The following PTK2B variants were observed in gnomAD, a reference collection of about 807,000 sequenced individuals.
PTK2B encodes the protein protein-tyrosine kinase 2-beta.
In PTK2B, 71 loss-of-function variants were observed where a neutral mutation model predicts 142.9. The ratio of observed to expected loss-of-function variants is 0.50; its 90% CI spans 0.41 to 0.61. The LOEUF is 0.61. Among genes scored for constraint, PTK2B ranks in the 20% least tolerant of loss-of-function variants. The probability of loss-of-function intolerance (pLI) is 0.00; values close to 1 mark genes in which losing one functional copy is unlikely to be tolerated. For missense variants in PTK2B, 1,105 were observed against 1,320.4 expected, an observed-to-expected ratio of 0.84 and a Z score of 2.53; for synonymous variants, 519 against 503.4, an observed-to-expected ratio of 1.03 and a Z score of -0.42.
At position 27,458,620 on chromosome 8, in the gene PTK2B, C is replaced by A; in HGVS notation, c.*111C>A. The A allele has an allele frequency of 1.8e-6, 2 of 1,134,974 alleles. No homozygotes were observed. Among genetic ancestry groups the A allele is most frequent in the Non-Finnish European group, 1.3e-6 (1 of 799,618 alleles). 70.3% of individuals were successfully genotyped at this position (1,134,974 alleles called of 1,614,324 possible). ...CAGGGGGAAGGCCAAGGGGAGTCAC[C>A]TTCCCTTGCCACTTTGCACGACGCC... On this transcript the variant is annotated 3_prime_UTR_variant, in exon 31 of 31. Transcript: ENST00000346049.
Position 27,440,336 on chromosome 8 carries a change from C to G in PTK2B, c.1934C>G (p.Pro645Arg). The change falls in exon 21 of 31, where the codon CCC becomes CGC. Residue 645 changes from proline (P) to arginine (R), a missense_variant. By Grantham distance (103) the Pro-to-Arg change is moderately radical. Transcript: ENST00000346049. ...GTGCTGGAGAAAGGAGACCGGCTGCCCAAGCCTGATCTCTGTCCACCGGTC... is the reference window on the plus strand; with the variant it reads ...GTGCTGGAGAAAGGAGACCGGCTGCGCAAGCCTGATCTCTGTCCACCGGTC... Reference protein sequence around the residue: ...IGVLEKGDRLPKPDLCPPVLY... With the variant: ...IGVLEKGDRLRKPDLCPPVLY... 1 of 1,614,192 alleles carries G rather than the reference C, an allele frequency of 6.2e-7. No individual in the cohort carries two copies.
intron 1 of PTK2B, among the ~76,000 whole-genome samples, chr8:27,331,802 A>G (rs1803768848): frequency 6.6e-6 from 1 of 152,174 alleles, no homozygotes; most frequent in Non-Finnish European, 1.5e-5. Flanking sequence ...GTACTGATTT[A>G]GGGTTTCTGA....
At chr8:27,407,050 C>A (rs1479818882) in intron 2 of PTK2B, among the ~76,000 whole-genome samples, 1 of 152,154 alleles carries the variant, frequency 6.6e-6, no homozygotes, top group Non-Finnish European at 1.5e-5. Flanking sequence ...ACGCTTCATA[C>A]GGTTTATGGG....
At chr8:27,423,144 C>T (rs1372535823) in intron 5 of PTK2B, among the ~76,000 whole-genome samples, 1 of 152,138 alleles carries the variant, frequency 6.6e-6, no homozygotes, top group Non-Finnish European at 1.5e-5. Flanking sequence ...CCAATGATAT[C>T]ATTAGAATGA....
chr8:27,379,795 C>T (rs769363159), intron 1 of PTK2B, among the ~76,000 whole-genome samples: 6 of 152,174 alleles, frequency 3.9e-5, no homozygotes, highest in African/African-American at 7.2e-5. Context: ...AACTGGACTG[C>T]AATGGCGTGA....
chr8:27,437,585 G>T, intron 17 of PTK2B, 89 bp downstream of exon 17: 4 of 1,286,986 alleles, frequency 3.1e-6, no homozygotes, highest in Admixed American at 2.1e-5. Flanking sequence ...CCTGACTTCT[G>T]TGTTCCACTG....
At chr8:27,325,036 G>A (rs902650676), upstream of PTK2B, among the ~76,000 whole-genome samples, 8 of 152,192 alleles carry the variant, frequency 5.3e-5, no homozygotes, top group African/African-American at 7.2e-5. Flanking sequence ...GACCTGGACC[G>A]GTTCTGCCAA....
intron 30 of PTK2B, among the ~76,000 whole-genome samples, chr8:27,455,643 A>G (rs1812100517): frequency 6.6e-6 from 1 of 152,264 alleles, no homozygotes; most frequent in African/African-American, 2.4e-5. Flanking sequence ...AGGCCAAGGA[A>G]GGCAGCAGCC....
chr8:27,393,218 G>C (rs1807828800), intron 1 of PTK2B, among the ~76,000 whole-genome samples: 1 of 152,144 alleles, frequency 6.6e-6, no homozygotes, highest in Non-Finnish European at 1.5e-5. Flanking sequence ...TCCCAGGATT[G>C]GGCAGCAGAT....
intron 1 of PTK2B, among the ~76,000 whole-genome samples, chr8:27,364,568 T>G (rs1805906855): frequency 6.6e-6 from 1 of 152,180 alleles, no homozygotes; most frequent in Non-Finnish European, 1.5e-5. Context: ...CGGGGAGACA[T>G]TCGCTCAGTA....
chr8:27,358,978 T>C (rs1422492744), intron 1 of PTK2B, among the ~76,000 whole-genome samples: 2 of 152,198 alleles, frequency 1.3e-5, no homozygotes, highest in Non-Finnish European at 2.9e-5. Flanking sequence ...CTAATCTTTC[T>C]CTTCTCATGT....
At chr8:27,361,836 G>A (rs757953381) in intron 1 of PTK2B, among the ~76,000 whole-genome samples, 28 of 152,040 alleles carry the variant, frequency 1.8e-4, no homozygotes, top group Non-Finnish European at 3.4e-4. Flanking sequence ...CCGCCCCCCT[G>A]CTCCGCTCCA....
intron 30 of PTK2B, among the ~76,000 whole-genome samples, chr8:27,457,528 T>A (rs1488549426): frequency 6.6e-6 from 1 of 152,228 alleles, no homozygotes; most frequent in Non-Finnish European, 1.5e-5. Flanking sequence ...CTCTTATGGA[T>A]CTGGCCAAAG....
At position 27,437,211 on chromosome 8, in the gene PTK2B, G is replaced by A; in HGVS notation, c.1426+5G>A. ...AGAAGTTCATGAGCGAGGCAGGTAG[G>A]GACCCCTGAGACCAACCAGGCCTCC... On this transcript the variant is annotated splice_donor_5th_base_variant and intron_variant, in intron 16 of 30. Transcript: ENST00000346049. 6.2e-7 allele frequency: 1 copy of A among 1,612,476 alleles called. No homozygotes were observed. The highest frequency in any genetic ancestry group is 8.5e-7 in the Non-Finnish European group (1 of 1,178,542).
intron 13 of PTK2B, 87 bp from the exon 14 acceptor site, chr8:27,435,656 C>T (rs891513211): frequency 6.7e-7 from 1 of 1,489,006 alleles, no homozygotes; most frequent in Non-Finnish European, 9.4e-7. Flanking sequence ...GCTCCACTGG[C>T]CTCCAGCAGG....
Position 27,440,246 on chromosome 8 carries a change from T to C in PTK2B, c.1844T>C (p.Met615Thr), listed in dbSNP as rs1811075681. The change falls in exon 21 of 31, where the codon ATG becomes ACG. Residue 615 changes from methionine to threonine, a missense_variant. By Grantham distance (81) the Met-to-Thr change is moderately conservative (BLOSUM62 -1). Coordinates refer to ENST00000346049, the MANE Select transcript of PTK2B (RefSeq NM_173176.3). ...CTCCCTTACACCCCAGCCGTGTGCA[T>C]GTGGGAGATCCTGAGCTTTGGGAAG... is the stretch of plus-strand genomic sequence containing the variant. Reference protein sequence around the residue: ...ASDVWMFAVCMWEILSFGKQP... With the variant: ...ASDVWMFAVCTWEILSFGKQP... 2 of 1,613,972 alleles carry C rather than the reference T, an allele frequency of 1.2e-6. No homozygotes were observed. The highest frequency in any genetic ancestry group is 1.1e-5 in the South Asian group (1 of 91,082).
intron 1 of PTK2B, among the ~76,000 whole-genome samples, chr8:27,354,955 T>C (rs1271912931): frequency 6.6e-6 from 1 of 152,192 alleles, no homozygotes; most frequent in Non-Finnish European, 1.5e-5. Flanking sequence ...AAAACCACCT[T>C]GCTCTTCAGT....
intron 1 of PTK2B, among the ~76,000 whole-genome samples, chr8:27,376,195 C>G (rs1300797296): frequency 1.3e-5 from 2 of 152,222 alleles, no homozygotes; most frequent in Non-Finnish European, 2.9e-5. Context: ...CAACAGGGAG[C>G]TGTAGAGTGG....
At chr8:27,451,699 C>T in intron 27 of PTK2B, 190 bp downstream of exon 27, 2 of 1,438,506 alleles carry the variant, frequency 1.4e-6, no homozygotes, top group South Asian at 3.0e-5. Context: ...ATTCCTCTCC[C>T]TGCCTAGCAC....
Sources: gnomAD v4.1 joint callset for allele counts (sites outside exome capture counted in the v4.1 genomes callset) on GRCh38, gnomAD v4.1.1 for gene constraint, MANE v1.5 for transcripts, NCBI Gene and HGNC (gene_info 2026-07-23, HGNC 2026-07-21) for gene names.